Variants in MAP4K5 observed in about 807,000 individuals in gnomAD.
The protein encoded by MAP4K5 is mitogen-activated protein kinase kinase kinase kinase 5.
MAP4K5 carries 82 observed loss-of-function variants against 135.6 expected under a neutral mutation model. That is an observed-to-expected ratio of 0.60 (90% confidence interval 0.51 to 0.73). The LOEUF is 0.73. Among genes scored for constraint, MAP4K5 ranks in the 30% least tolerant of loss-of-function variants. The pLI, the probability that MAP4K5 is intolerant of heterozygous loss-of-function variation, is 0.00. For synonymous variants in MAP4K5, 347 were observed against 335.0 expected (o/e 1.04, Z -0.39); for missense variants, 907 against 1,010.9 (o/e 0.90, Z 1.39).
Position 50,539,412 on chromosome 14 carries a change from A to G in MAP4K5, c.-94+3087T>C, listed in dbSNP as rs545749810. On this transcript the variant is annotated intron_variant, in intron 2 of 8. Transcript: ENST00000555216. ...AAATACCAGGCATGAATAGAAAATC[A>G]GAAAACTTCCTTGACAGCTTTGAAG... 2.1e-4 allele frequency among the ~76,000 whole-genome samples: 32 copies of G among 152,392 alleles called. 1 individual carries two copies. In the East Asian group the frequency reaches 5.8e-3, roughly 28 times the overall value.
intron 8 of MAP4K5, among the ~76,000 whole-genome samples, 195 bp from the exon 9 acceptor site, chr14:50,475,344 A>G (rs1430063452): frequency 1.3e-5 from 2 of 152,174 alleles, no homozygotes; most frequent in Non-Finnish European, 2.9e-5. Flanking sequence ...ACTTTACTAG[A>G]ATGAAAATAC....
At position 50,444,046 on chromosome 14, in the gene MAP4K5, A is replaced by C; in HGVS notation, c.1340-10T>G. 1 of 1,570,890 alleles carries C rather than the reference A, an allele frequency of 6.4e-7. No individual in the cohort carries two copies. The highest frequency in any genetic ancestry group is 8.7e-7 in the Non-Finnish European group (1 of 1,149,872). On this transcript the variant is annotated splice_polypyrimidine_tract_variant and intron_variant, in intron 18 of 32. Transcript: ENST00000682126. ...ATACCATCACCATTTCCTAAAGAGA[A>C]TCATGTTAAAAGTTGAATGACCACA...
chr14:50,421,225 T>C (rs898559702), intron 32 of MAP4K5, among the ~76,000 whole-genome samples: 1 of 152,096 alleles, frequency 6.6e-6, no homozygotes, highest in Non-Finnish European at 1.5e-5. Context: ...TAGACACAAG[T>C]ATCTATACTT....
chr14:50,460,523 T>C (rs2036689802), intron 13 of MAP4K5, among the ~76,000 whole-genome samples: 1 of 152,236 alleles, frequency 6.6e-6, no homozygotes, highest in African/African-American at 2.4e-5. Context: ...TCTACATTTA[T>C]GCAAGAATAA....
chr14:50,456,499 G>C lies in MAP4K5; in HGVS notation c.1015+17C>G, dbSNP rs1393152631. 1 of 1,544,266 alleles carries C rather than the reference G, an allele frequency of 6.5e-7. No homozygotes were observed. The highest frequency in any genetic ancestry group is 8.8e-7 in the Non-Finnish European group (1 of 1,135,894). On this transcript the variant is annotated intron_variant, in intron 14 of 32. Transcript: ENST00000682126. ...CCCTCCAAAACCACCAATGGAAAAT[G>C]TAAACCAAACACATACAATTTATTT...
intron 6 of MAP4K5, among the ~76,000 whole-genome samples, chr14:50,477,546 T>C (rs1300758254): frequency 6.6e-6 from 1 of 152,178 alleles, no homozygotes; most frequent in Non-Finnish European, 1.5e-5. Flanking sequence ...ATCACCCTGT[T>C]TGGGTGAGCC....
chr14:50,507,619 G>A (rs1044941473), intron 2 of MAP4K5, among the ~76,000 whole-genome samples: 6 of 152,224 alleles, frequency 3.9e-5, no homozygotes, highest in Middle Eastern at 3.4e-3. Flanking sequence ...AGTAGTCATT[G>A]AGGAGCAGGT....
intron 11 of MAP4K5, among the ~76,000 whole-genome samples, chr14:50,466,374 C>G (rs961101806): frequency 7.4e-6 from 1 of 135,430 alleles, no homozygotes; most frequent in Non-Finnish European, 1.6e-5. Flanking sequence ...ACAGCAAAAT[C>G]CTGTCTCAAA....
chr14:50,469,468 T>A (rs1225870617), intron 9 of MAP4K5, among the ~76,000 whole-genome samples: 1 of 152,184 alleles, frequency 6.6e-6, no homozygotes, highest in East Asian at 1.9e-4. Flanking sequence ...CAAAAAAGGT[T>A]AGACTTTATC....
chr14:50,546,852 T>C (rs936838390), intron 1 of MAP4K5, among the ~76,000 whole-genome samples: 1 of 152,188 alleles, frequency 6.6e-6, no homozygotes, highest in Non-Finnish European at 1.5e-5. Flanking sequence ...TTTTTAATTA[T>C]TATACTTTAA....
At chr14:50,462,518 A>G (rs978997095) in intron 13 of MAP4K5, 147 bp downstream of exon 13, 2 of 612,894 alleles carry the variant, frequency 3.3e-6, no homozygotes, top group African/African-American at 3.9e-5. Context: ...ATGTGCAGGA[A>G]AAGTGTAGTT....
chr14:50,538,482 A>C (rs2140142344), intron 2 of MAP4K5, among the ~76,000 whole-genome samples: 1 of 152,352 alleles, frequency 6.6e-6, no homozygotes, highest in South Asian at 2.1e-4. Context: ...TCACAAATTG[A>C]TTTTGTCTGC....
chr14:50,485,589 T>C lies in MAP4K5; in HGVS notation c.311A>G (p.Asp104Gly), dbSNP rs975245707. The change falls in exon 5 of 33, where the codon GAT becomes GGT. Residue 104 changes from aspartate to glycine, a missense_variant. Asp to Gly is a moderately conservative substitution (Grantham distance 94). Coordinates refer to ENST00000682126, the MANE Select transcript of MAP4K5 (RefSeq NM_006575.6). Reference protein sequence around the residue: ...MEYCGGGSLQDIYHVTGPLSE... With the variant: ...MEYCGGGSLQGIYHVTGPLSE... ...CAAATTAACAGTACCATGGTAAATA[T>C]CTTGAAGTGATCCGCCACCACAGTA... is the stretch of plus-strand genomic sequence containing the variant. 1.9e-6 allele frequency: 3 copies of C among 1,546,726 alleles called. No individual in the cohort carries two copies. In the African/African-American group the frequency reaches 4.1e-5, roughly 21 times the overall value.
intron 2 of MAP4K5, among the ~76,000 whole-genome samples, chr14:50,510,173 T>C (rs1318395917): frequency 6.6e-6 from 1 of 152,190 alleles, no homozygotes; most frequent in African/African-American, 2.4e-5. Context: ...TCCATTCTTC[T>C]CGGTTACCAA....
rs2036381549 is a variant in MAP4K5 at position 50,447,480 on chromosome 14, C to T, written c.1076G>A (p.Gly359Glu). The T allele has an allele frequency of 6.6e-7, 1 of 1,525,950 alleles. No individual in the cohort carries two copies. Among genetic ancestry groups the T allele is most frequent in the South Asian group, 1.2e-5 (1 of 82,260 alleles). The allele number at this position is 1,525,950 out of a possible 1,614,324, so 94.5% of individuals were successfully genotyped here. A position where few individuals can be genotyped will look rare whatever the true frequency, so the allele number is the denominator to read the frequency against. The change falls in exon 16 of 33, where the codon GGA (glycine) becomes GAA (glutamate). Residue 359 changes from glycine (G) to glutamate (E), a missense_variant and splice_region_variant. Physicochemically the swap from Gly to Glu is moderately conservative, Grantham distance 98. This residue lies in a region of MAP4K5 where 690 missense variants were observed against 777.4 expected (regional missense o/e 0.89). Coordinates refer to ENST00000682126, the MANE Select transcript of MAP4K5 (RefSeq NM_006575.6). ...RKETEARDEM[G>E]LSSDPNFMLQ... is the part of the protein sequence containing the mutation. The stretch of plus-strand genomic sequence containing the variant: ...CATGAAATTTGGGTCTGATGACAAT[C>T]CCTGTAAAGATAAAAATATAGTTTA...
In MAP4K5 at chr14:50,440,456, A is replaced by G; in HGVS notation, c.1565-15T>C. ...AATGTACTGATCTAAAATAGTTGAG[A>G]TAAATCACCAGAATTTACCATCATC... On this transcript the variant is annotated splice_polypyrimidine_tract_variant and intron_variant, in intron 21 of 32. Coordinates refer to ENST00000682126, the MANE Select transcript of MAP4K5 (RefSeq NM_006575.6). The G allele has an allele frequency of 7.5e-7, 1 of 1,326,676 alleles. No individual in the cohort carries two copies. Among genetic ancestry groups the G allele is most frequent in the East Asian group, 2.4e-5 (1 of 41,274 alleles). 82.2% of individuals were successfully genotyped at this position (1,326,676 alleles called of 1,614,324 possible).
chr14:50,482,409 T>G lies in MAP4K5; in HGVS notation c.330A>C (p.Gly110=). 1 of 1,525,710 alleles carries G rather than the reference T, an allele frequency of 6.6e-7. No individual in the cohort carries two copies. Among genetic ancestry groups the G allele is most frequent in the Non-Finnish European group, 8.8e-7 (1 of 1,135,606 alleles). The allele number at this position is 1,525,710 out of a possible 1,614,324, so 94.5% of individuals were successfully genotyped here. A position where few individuals can be genotyped will look rare whatever the true frequency, so the allele number is the denominator to read the frequency against. ...GSLQDIYHVT[G]PLSELQIAYV... is the part of the protein sequence containing the mutation. ...AGGCTATTTGCAATTCTGATAATGG[T>G]CCAGTAACTAGAAAGAAAAAGAGAC... The change falls in exon 6 of 33, where the codon GGA becomes GGC. Residue 110 remains glycine (G), a synonymous_variant. Transcript: ENST00000682126.
chr14:50,444,161 A>C, intron 18 of MAP4K5, 125 bp from the exon 19 acceptor site: 1 of 678,782 alleles, frequency 1.5e-6, no homozygotes, highest in Non-Finnish European at 2.6e-6. Context: ...AATATTCTCT[A>C]CTCTCAGGTA....
chr14:50,455,281 T>C (rs1219015295), intron 14 of MAP4K5, among the ~76,000 whole-genome samples: 1 of 151,820 alleles, frequency 6.6e-6, no homozygotes, highest in Non-Finnish European at 1.5e-5. Flanking sequence ...ATTTGATAAC[T>C]CTGGAATCGA....
Sources: gnomAD v4.1 joint callset for allele counts (sites outside exome capture counted in the v4.1 genomes callset) on GRCh38, gnomAD v4.1.1 for gene constraint, gnomAD v4.1.1 regional missense constraint, MANE v1.5 for transcripts, NCBI Gene and HGNC (gene_info 2026-07-23, HGNC 2026-07-21) for gene names.